SCAMP2: variants seen among roughly 807,000 people sequenced by gnomAD.
SCAMP2 encodes the protein secretory carrier-associated membrane protein 2.
In SCAMP2, 25 loss-of-function variants were observed where a neutral mutation model predicts 44.1. That is an observed-to-expected ratio of 0.57 (90% CI 0.41 to 0.79). SCAMP2 has a LOEUF of 0.79. Among genes scored for constraint, SCAMP2 ranks in the 30% least tolerant of loss-of-function variants. SCAMP2 has a pLI of 0.00. For missense variants in SCAMP2, 355 were observed against 411.0 expected (o/e 0.86, Z 1.18); for synonymous variants, 156 against 166.0 (o/e 0.94, Z 0.46).
rs956808119 is a variant in SCAMP2, at chr15:74,855,184, A to G, written c.58-535T>C. On this transcript the variant is annotated intron_variant, in intron 1 of 8. Transcript: ENST00000268099. ...AGTGGCGCAATCTTGGCTCACTGCA[A>G]CCTTCGCCTCCTGGGTTGAAGCGAT... Among the ~76,000 whole-genome samples the G allele has an allele frequency of 1.4e-4, 21 of 151,856 alleles. 1 individual carries two copies. Among genetic ancestry groups the G allele is most frequent in the Admixed American group, 1.3e-3 (20 of 15,266 alleles).
intron 3 of SCAMP2, chr15:74,853,569 G>A (rs760415569): frequency 4.5e-5 from 19 of 420,964 alleles, no homozygotes; most frequent in African/African-American, 1.2e-4. Context: ...GCAGTGAGGC[G>A]GCGCAGTGGA....
intron 1 of SCAMP2, among the ~76,000 whole-genome samples, chr15:74,871,750 C>T (rs895207816): frequency 2.1e-5 from 3 of 146,318 alleles, no homozygotes; most frequent in Non-Finnish European, 4.5e-5. Context: ...AAAACTCTGT[C>T]TCAAAAAAAA....
intron 1 of SCAMP2, among the ~76,000 whole-genome samples, chr15:74,859,091 G>A (rs923221128): frequency 3.3e-5 from 5 of 152,078 alleles, no homozygotes; most frequent in Non-Finnish European, 7.4e-5. Context: ...TCAGGCGTGA[G>A]CCACCATGCC....
At chr15:74,851,561 T>C in intron 4 of SCAMP2, 80 bp from the exon 5 acceptor site, 5 of 1,571,816 alleles carry the variant, frequency 3.2e-6, no homozygotes, top group Non-Finnish European at 4.3e-6. Flanking sequence ...CAGCATAGTG[T>C]ATGGGCCAAA....
At chr15:74,851,994 A>T (rs748199340) in intron 4 of SCAMP2, 75 bp downstream of exon 4, 5 of 964,040 alleles carry the variant, frequency 5.2e-6, no homozygotes, top group Non-Finnish European at 7.5e-6. Context: ...GAATGCTGGG[A>T]GGCCCTCCGC....
chr15:74,862,538 T>A (rs943119300), intron 1 of SCAMP2, among the ~76,000 whole-genome samples: 42 of 151,932 alleles, frequency 2.8e-4, no homozygotes, highest in Admixed American at 6.6e-5. Context: ...ATCACACCAC[T>A]GCACTCCAGT....
At position 74,873,183 on chromosome 15, in the gene SCAMP2, G is replaced by A; in HGVS notation, c.57+16C>T. 2 of 1,429,820 alleles carry A rather than the reference G, an allele frequency of 1.4e-6. No individual in the cohort carries two copies. Among genetic ancestry groups the A allele is most frequent in the Non-Finnish European group, 1.8e-6 (2 of 1,095,088 alleles). 88.6% of individuals were successfully genotyped at this position (1,429,820 alleles called of 1,614,324 possible). On this transcript the variant is annotated intron_variant, in intron 1 of 8. Transcript: ENST00000268099. ...TAGGGAAATCTGAGAGCTGGATGGC[G>A]GGAGAGGGGCTCTACCTGGAAGGGG...
At chr15:74,849,845 AGG>A (rs905772895) in intron 6 of SCAMP2, among the ~76,000 whole-genome samples, 1 of 31,226 alleles carries the variant, frequency 3.2e-5, no homozygotes, top group Non-Finnish European at 1.6e-4. Flanking sequence ...TTTGGGAAAC[AGG>A]GGACACCAGA....
At chr15:74,862,575 CAATA>C (rs962362636) in intron 1 of SCAMP2, among the ~76,000 whole-genome samples, 1 of 151,790 alleles carries the variant, frequency 6.6e-6, no homozygotes, top group African/African-American at 2.4e-5. Context: ...GACTCCATCT[CAATA>C]AATAAATAAA....
rs750046623 is a variant in SCAMP2 at position 74,848,712 on chromosome 15, A to G, written c.633-11T>C. On this transcript the variant is annotated splice_polypyrimidine_tract_variant and intron_variant, in intron 6 of 8. Transcript: ENST00000268099. ...AAAGAGTTGTCGGACCTGTGGAGAG[A>G]GAGGGAAATAAGTCACAAGAGGGCT... is the stretch of plus-strand genomic sequence containing the variant. 2.5e-6 allele frequency: 4 copies of G among 1,596,256 alleles called. No homozygotes were observed. In the African/African-American group the frequency reaches 5.4e-5, roughly 21 times the overall value.
intron 6 of SCAMP2, among the ~76,000 whole-genome samples, chr15:74,849,345 G>A (rs531111098): frequency 1.3e-5 from 2 of 152,184 alleles, no homozygotes; most frequent in East Asian, 3.9e-4. Context: ...CTACTTGGGA[G>A]GCTGAGACAG....
At chr15:74,857,078 G>T (rs1469244703) in intron 1 of SCAMP2, among the ~76,000 whole-genome samples, 1 of 152,164 alleles carries the variant, frequency 6.6e-6, no homozygotes, top group Non-Finnish European at 1.5e-5. Flanking sequence ...TTTTATCACA[G>T]ATACTTCCTC....
chr15:74,862,895 CACAT>C lies in SCAMP2; in HGVS notation c.58-8250_58-8247del, dbSNP rs1440609816. 1.5e-3 allele frequency among the ~76,000 whole-genome samples: 197 copies of C among 132,968 alleles called. 1 individual carries two copies. The highest frequency in any genetic ancestry group is 5.8e-3 in the African/African-American group (188 of 32,454). 87.2% of individuals were successfully genotyped at this position (132,968 alleles called of 152,430 possible). A position where few individuals can be genotyped will look rare whatever the true frequency, so the allele number is the denominator to read the frequency against. On this transcript the variant is annotated intron_variant, in intron 1 of 8. Coordinates refer to ENST00000268099, the MANE Select transcript of SCAMP2 (RefSeq NM_005697.5). ...ACACACACACACACACACACACACACACATATTTTTAAAAAGAGAAAGAAAAAAA... is the reference window on the plus strand; with the variant it reads ...ACACACACACACACACACACACACACATTTTTAAAAAGAGAAAGAAAAAAA...
rs60757109 is a variant in SCAMP2 at position 74,848,788 on chromosome 15, G to C, written c.633-87C>G. 5,435 of 918,992 alleles carry C rather than the reference G, an allele frequency of 5.9e-3. 200 individuals carry two copies. In the African/African-American group the frequency reaches 0.08, roughly 14 times the overall value. 56.9% of individuals were successfully genotyped at this position (918,992 alleles called of 1,614,324 possible). A position where few individuals can be genotyped will look rare whatever the true frequency, so the allele number is the denominator to read the frequency against. On this transcript the variant is annotated intron_variant, in intron 6 of 8. Coordinates refer to ENST00000268099, the MANE Select transcript of SCAMP2 (RefSeq NM_005697.5). ...CTTGGTGTGACATCCCTCCTCACTA[G>C]GAGCCAGGAGGCAGCATGGGCAAGA...
Position 74,851,396 on chromosome 15 carries a change from G to A in SCAMP2, c.429C>T (p.Ala143=), listed in dbSNP as rs769506419. The change falls in exon 5 of 9, where the codon GCC becomes GCT. Residue 143 remains alanine, a synonymous_variant. Coordinates refer to ENST00000268099, the MANE Select transcript of SCAMP2 (RefSeq NM_005697.5). Reference sequence around the variant, plus strand: ...GCATCTTGCATATCCGCTGGTAGTCGGCAGGGATCTCTGTGGAGAAATCCT... The same window carrying A: ...GCATCTTGCATATCCGCTGGTAGTCAGCAGGGATCTCTGTGGAGAAATCCT... ...FYQDFSTEIP[A]DYQRICKMLY... 27 of 1,613,938 alleles carry A rather than the reference G, an allele frequency of 1.7e-5. 1 individual carries two copies. The highest frequency in any genetic ancestry group is 3.3e-4 in the Middle Eastern group (2 of 6,082).
At chr15:74,853,834 G>A (rs1194868002) in intron 3 of SCAMP2, 187 bp downstream of exon 3, 2 of 602,938 alleles carry the variant, frequency 3.3e-6, no homozygotes, top group Non-Finnish European at 5.9e-6. Flanking sequence ...GATGGAGGGA[G>A]TAAGGATATT....
intron 6 of SCAMP2, among the ~76,000 whole-genome samples, chr15:74,849,796 A>G (rs1042818291): frequency 2.6e-5 from 4 of 152,154 alleles, no homozygotes; most frequent in South Asian, 4.1e-4. Flanking sequence ...ACAATGAGAA[A>G]AAAACAAAAC....
intron 1 of SCAMP2, among the ~76,000 whole-genome samples, chr15:74,865,608 T>A (rs996746848): frequency 2.6e-5 from 4 of 151,482 alleles, no homozygotes; most frequent in African/African-American, 9.7e-5. Context: ...AGGAGGAAGC[T>A]GAGAACTAGA....
chr15:74,860,266 T>C (rs1439269237), intron 1 of SCAMP2, among the ~76,000 whole-genome samples: 1 of 151,748 alleles, frequency 6.6e-6, no homozygotes, highest in African/African-American at 2.4e-5. Context: ...AATACAAAAA[T>C]TGGCCGGGTC....
Sources: allele counts gnomAD v4.1 joint callset (sites outside exome capture counted in the v4.1 genomes callset), GRCh38; gene constraint gnomAD v4.1.1; transcripts MANE v1.5; gene names NCBI Gene and HGNC (gene_info 2026-07-23, HGNC 2026-07-21).